The following MOB3B variants were observed in gnomAD, a reference collection of about 807,000 sequenced individuals.
MOB3B encodes MOB kinase activator 3B, also known as MOB kinase activator-like 2B.
In MOB3B, 7 loss-of-function variants were observed where a neutral mutation model predicts 18.7. The observed-to-expected ratio is 0.37, with a 90% CI of 0.21 to 0.70. MOB3B has a LOEUF of 0.70. MOB3B is among the 30% of genes least tolerant of loss of function. The pLI is 0.52. For synonymous variants in MOB3B, 111 were observed against 99.9 expected (o/e 1.11, Z -0.66); for missense variants, 253 against 281.3 (o/e 0.90, Z 0.72).
chr9:27,413,362 T>A (rs1428591311), intron 2 of MOB3B, among the ~76,000 whole-genome samples: 1 of 152,052 alleles, frequency 6.6e-6, no homozygotes, highest in Non-Finnish European at 1.5e-5. Flanking sequence ...TGACATAGAC[T>A]ATTAACTGAG....
intron 1 of MOB3B, 71 bp downstream of exon 1, chr9:27,529,484 C>T (rs951195799): frequency 5.3e-6 from 5 of 944,384 alleles, no homozygotes; most frequent in East Asian, 2.3e-4. Flanking sequence ...GCCGCCCGCC[C>T]GGGCGAGATC....
In MOB3B at chr9:27,500,337, T is replaced by G. The variant is rs1388839712; in HGVS notation, c.-199+29218A>C. On this transcript the variant is annotated intron_variant, in intron 1 of 3. Coordinates refer to ENST00000262244, the MANE Select transcript of MOB3B (RefSeq NM_024761.5). ...CCAAATTATAGAAAGCACAAACAAG[T>G]GTCCTCACTTAGACAAAAGGCTACA... Among the ~76,000 whole-genome samples, 5 of 152,152 alleles carry G rather than the reference T, an allele frequency of 3.3e-5. No individual in the cohort carries two copies. In the East Asian group the frequency reaches 7.7e-4, roughly 23 times the overall value.
intron 1 of MOB3B, among the ~76,000 whole-genome samples, chr9:27,456,769 G>A (rs1211050937): frequency 6.6e-6 from 1 of 152,190 alleles, no homozygotes. Flanking sequence ...TATCTATGGT[G>A]TTGAATATGG....
At chr9:27,422,643 C>T (rs986341878) in intron 2 of MOB3B, among the ~76,000 whole-genome samples, 2 of 152,176 alleles carry the variant, frequency 1.3e-5, no homozygotes, top group African/African-American at 4.8e-5. Context: ...TTGTATGACA[C>T]TTTTCATGAG....
chr9:27,362,916 G>T (rs189512977), intron 2 of MOB3B, among the ~76,000 whole-genome samples: 23 of 152,290 alleles, frequency 1.5e-4, no homozygotes, highest in African/African-American at 5.3e-4. Context: ...TCAGAAGGTG[G>T]GACTTGGAAG....
chr9:27,417,697 G>A (rs1461475757), intron 2 of MOB3B, among the ~76,000 whole-genome samples: 1 of 152,124 alleles, frequency 6.6e-6, no homozygotes, highest in Admixed American at 6.5e-5. Flanking sequence ...CGTTTATTGA[G>A]GACTCACAAG....
In MOB3B at chr9:27,326,796, T is replaced by G; in HGVS notation, c.*3791A>C. ...ATTACAGCCGTGTAAGACATTTTCT[T>G]CCTAATCATCTCTCCCTTGCACCAT... On this transcript the variant is annotated 3_prime_UTR_variant, in exon 4 of 4. Coordinates refer to ENST00000262244, the MANE Select transcript of MOB3B (RefSeq NM_024761.5). 1 of 388,232 alleles carries G rather than the reference T, an allele frequency of 2.6e-6. No individual in the cohort carries two copies. The highest frequency in any genetic ancestry group is 4.5e-6 in the Non-Finnish European group (1 of 219,918). The allele number at this position is 388,232 out of a possible 1,614,324, so 24.0% of individuals were successfully genotyped here.
rs116070685 is a variant in MOB3B, at chr9:27,399,912, G to A, written c.419-40676C>T. ...GGAGGAAGACCTTCAAACCCGGCTC[G>A]AAGTTCTTTTTCATTCTCTCCACAT... On this transcript the variant is annotated intron_variant, in intron 2 of 3. Transcript: ENST00000262244. Among the ~76,000 whole-genome samples, 925 of 152,210 alleles carry A rather than the reference G, an allele frequency of 6.1e-3. 7 individuals are homozygous for A. Among genetic ancestry groups the A allele is most frequent in the African/African-American group, 0.022 (901 of 41,534 alleles).
rs773495376 is a variant in MOB3B at position 27,524,582 on chromosome 9, C to CCT, written c.-199+4972_-199+4973insAG. On this transcript the variant is annotated intron_variant, in intron 1 of 3. Coordinates refer to ENST00000262244, the MANE Select transcript of MOB3B (RefSeq NM_024761.5). ...AATACACCCAACCTATGAAGAGGGA[C>CCT]ATCAAGAAGGCCTTCTATGAAATGT... The CCT allele has an allele frequency of 1.4e-5, 22 of 1,613,984 alleles. No individual in the cohort carries two copies. The African/African-American group carries it at 2.5e-4, about 19-fold the overall frequency.
chr9:27,363,882 C>T lies in MOB3B; in HGVS notation c.419-4646G>A, dbSNP rs561927662. 2.6e-5 allele frequency among the ~76,000 whole-genome samples: 4 copies of T among 152,302 alleles called. No homozygotes were observed. In the East Asian group the frequency reaches 5.8e-4, roughly 22 times the overall value. ...TCAGCCTTCCAAGTAGCTGAGAATA[C>T]AGGCATGCGCCACCATGCCTGGCTA... is the stretch of plus-strand genomic sequence containing the variant. On this transcript the variant is annotated intron_variant, in intron 2 of 3. Transcript: ENST00000262244.
intron 3 of MOB3B, among the ~76,000 whole-genome samples, chr9:27,342,219 T>G (rs1563844746): frequency 6.6e-6 from 1 of 152,196 alleles, no homozygotes; most frequent in Non-Finnish European, 1.5e-5. Context: ...CCAGTGAGAC[T>G]CTCTAGTTTT....
intron 2 of MOB3B, among the ~76,000 whole-genome samples, chr9:27,407,694 C>A (rs1489085370): frequency 1.3e-5 from 2 of 152,162 alleles, no homozygotes; most frequent in Non-Finnish European, 2.9e-5. Flanking sequence ...TCATTCTTAT[C>A]TCTTCTGCAG....
At chr9:27,384,028 G>T (rs781450713) in intron 2 of MOB3B, among the ~76,000 whole-genome samples, 35 of 152,134 alleles carry the variant, frequency 2.3e-4, no homozygotes, top group South Asian at 4.1e-4. Context: ...CTACAGTAAA[G>T]AAACCTGCTT....
chr9:27,517,540 C>G (rs200572695), intron 1 of MOB3B, among the ~76,000 whole-genome samples: 1 of 144,044 alleles, frequency 6.9e-6, no homozygotes, highest in East Asian at 2.3e-4. Context: ...CCCAGCTACT[C>G]AGGAGGCTGA....
chr9:27,337,193 T>C (rs1385213043), intron 3 of MOB3B, among the ~76,000 whole-genome samples: 1 of 152,150 alleles, frequency 6.6e-6, no homozygotes, highest in Non-Finnish European at 1.5e-5. Flanking sequence ...AGAGTTTCAT[T>C]CCCCACAGCA....
intron 1 of MOB3B, among the ~76,000 whole-genome samples, chr9:27,525,363 G>A (rs925142838): frequency 1.3e-5 from 2 of 152,062 alleles, no homozygotes; most frequent in Admixed American, 1.3e-4. Context: ...TGCTGCCAAG[G>A]TTGCTTATCC....
At chr9:27,425,894 G>T (rs546462740) in intron 2 of MOB3B, among the ~76,000 whole-genome samples, 6 of 152,262 alleles carry the variant, frequency 3.9e-5, no homozygotes, top group Non-Finnish European at 8.8e-5. Context: ...TGAAATGAGG[G>T]ACTGGAAAAG....
intron 2 of MOB3B, among the ~76,000 whole-genome samples, chr9:27,451,835 A>G (rs1822789637): frequency 1.3e-5 from 2 of 152,260 alleles, no homozygotes; most frequent in South Asian, 4.1e-4. Context: ...AAAGAAGAAA[A>G]GTAGGCTGGA....
intron 2 of MOB3B, among the ~76,000 whole-genome samples, chr9:27,391,431 G>T (rs1166706384): frequency 6.6e-6 from 1 of 152,156 alleles, no homozygotes; most frequent in Non-Finnish European, 1.5e-5. Context: ...TGGATAAACT[G>T]ATTCACCTCT....
Sources: allele counts gnomAD v4.1 joint callset (sites outside exome capture counted in the v4.1 genomes callset), GRCh38; gene constraint gnomAD v4.1.1; transcripts MANE v1.5; gene names NCBI Gene and HGNC (gene_info 2026-07-23, HGNC 2026-07-21).